The following ACO2 variants were observed in gnomAD, a reference collection of about 807,000 sequenced individuals.
ACO2 encodes aconitate hydratase, mitochondrial.
A neutral mutation model predicts 84.5 loss-of-function variants in ACO2; 31 were observed. The ratio of observed to expected loss-of-function variants is 0.37; its 90% CI spans 0.28 to 0.50. The LOEUF (loss-of-function observed/expected upper bound fraction) is 0.50, where lower values mean the gene tolerates loss of function less well. Ranked by LOEUF, ACO2 falls within the 20% of genes least tolerant of loss-of-function variation. The probability of loss-of-function intolerance (pLI) is 0.97; values close to 1 mark genes in which losing one functional copy is unlikely to be tolerated. For synonymous variants in ACO2, 414 were observed against 412.7 expected (o/e 1.00, Z -0.04); for missense variants, 685 against 1,029.3 (o/e 0.67, Z 4.58).
intron 6 of ACO2, among the ~76,000 whole-genome samples, chr22:41,516,339 C>T (rs1005556346): frequency 2.6e-5 from 4 of 152,232 alleles, no homozygotes; most frequent in Non-Finnish European, 5.9e-5. Flanking sequence ...CGCTGAAGTT[C>T]GAGCCTCACT....
intron 1 of ACO2, among the ~76,000 whole-genome samples, chr22:41,471,580 G>A (rs949117293): frequency 2.0e-5 from 3 of 152,144 alleles, no homozygotes; most frequent in Non-Finnish European, 2.9e-5. Context: ...CCCTGTTCTC[G>A]TGGAGCTTCC....
chr22:41,527,796 A>C (rs945176259), intron 16 of ACO2, 105 bp from the exon 17 acceptor site: 2 of 1,557,766 alleles, frequency 1.3e-6, no homozygotes, highest in Non-Finnish European at 1.7e-6. Flanking sequence ...GCATTGTCCC[A>C]GGCAGCAGGA....
At chr22:41,472,392 G>A (rs930923438) in intron 1 of ACO2, among the ~76,000 whole-genome samples, 27 of 151,792 alleles carry the variant, frequency 1.8e-4, no homozygotes, top group African/African-American at 6.5e-4. Context: ...TTTATCAGTA[G>A]TTGTTAGTAG....
At chr22:41,496,522 G>A (rs1601897702) in intron 1 of ACO2, among the ~76,000 whole-genome samples, 1 of 152,142 alleles carries the variant, frequency 6.6e-6, no homozygotes, top group Non-Finnish European at 1.5e-5. Context: ...AATTGTCCAG[G>A]ATCAGTAAGT....
At chr22:41,522,744 C>T in intron 9 of ACO2, 86 bp from the exon 10 acceptor site, 1 of 1,493,234 alleles carries the variant, frequency 6.7e-7, no homozygotes, top group Non-Finnish European at 9.1e-7. Context: ...ACTCTTTTGG[C>T]CAAGTCTGGA....
rs570764004 is a variant in ACO2, at chr22:41,498,822, G to A, written c.37-904G>A. Reference sequence around the variant, plus strand: ...CAAAGGGAGGGTAATGGCTGGGCACGGTGGCTCATGCCTGTAATCCCAGCA... The same window carrying A: ...CAAAGGGAGGGTAATGGCTGGGCACAGTGGCTCATGCCTGTAATCCCAGCA... On this transcript the variant is annotated intron_variant, in intron 1 of 17. Coordinates refer to ENST00000216254, the MANE Select transcript of ACO2 (RefSeq NM_001098.3). Among the ~76,000 whole-genome samples, 5 of 152,220 alleles carry A rather than the reference G, an allele frequency of 3.3e-5. No individual in the cohort carries two copies. In the East Asian group the frequency reaches 5.8e-4, roughly 18 times the overall value.
chr22:41,520,719 G>C (rs947076148), intron 9 of ACO2, among the ~76,000 whole-genome samples: 2 of 152,020 alleles, frequency 1.3e-5, no homozygotes, highest in African/African-American at 2.4e-5. Flanking sequence ...GCAGGCACCT[G>C]TAGCCCCAGC....
At chr22:41,477,925 C>A (rs1233495308) in intron 1 of ACO2, among the ~76,000 whole-genome samples, 1 of 151,336 alleles carries the variant, frequency 6.6e-6, no homozygotes, top group Non-Finnish European at 1.5e-5. Context: ...ATGAGCCGGG[C>A]ATGGTGGTGT....
At chr22:41,474,675 T>C (rs2037989801) in intron 1 of ACO2, among the ~76,000 whole-genome samples, 2 of 140,046 alleles carry the variant, frequency 1.4e-5, no homozygotes, top group African/African-American at 5.3e-5. Flanking sequence ...CTTGGCTCAC[T>C]GCAAGCTCCG....
At position 41,520,217 on chromosome 22, in the gene ACO2, C is replaced by G; in HGVS notation, c.1079C>G (p.Pro360Arg). ...CCCTTCACCCCTGACCTGGCTCACC[C>G]TGTGGCAGAAGTGGGCAAGGTGGCA... The part of the protein sequence containing the change: ...NGPFTPDLAH[P>R]VAEVGKVAEK... The change falls in exon 9 of 18, where the codon CCT becomes CGT. Residue 360 changes from proline to arginine, a missense_variant. Physicochemically the swap from Pro to Arg is moderately radical, Grantham distance 103 (BLOSUM62 -2). Coordinates refer to ENST00000216254, the MANE Select transcript of ACO2 (RefSeq NM_001098.3). 1 of 1,614,026 alleles carries G rather than the reference C, an allele frequency of 6.2e-7. No homozygotes were observed. The highest frequency in any genetic ancestry group is 8.5e-7 in the Non-Finnish European group (1 of 1,179,942).
chr22:41,487,642 A>C (rs531341179), intron 1 of ACO2, among the ~76,000 whole-genome samples: 70 of 152,202 alleles, frequency 4.6e-4, no homozygotes, highest in Admixed American at 7.9e-4. Context: ...ACAAAGAAAA[A>C]ATTCTTGGTG....
intron 1 of ACO2, among the ~76,000 whole-genome samples, chr22:41,474,396 C>A (rs1202218876): frequency 6.8e-6 from 1 of 147,916 alleles, no homozygotes; most frequent in East Asian, 2.0e-4. Flanking sequence ...TGGGTTCATG[C>A]CATTCTCCTG....
At chr22:41,486,469 A>ATTTTTT (rs1186941362) in intron 1 of ACO2, among the ~76,000 whole-genome samples, 1 of 104,488 alleles carries the variant, frequency 9.6e-6, no homozygotes, top group African/African-American at 3.7e-5. Flanking sequence ...AACTTTTTGT[A>ATTTTTT]TTTTTTTTTT....
chr22:41,498,591 G>A (rs903525788), intron 1 of ACO2, among the ~76,000 whole-genome samples: 12 of 152,094 alleles, frequency 7.9e-5, no homozygotes, highest in African/African-American at 2.7e-4. Context: ...CTGGCAAGGT[G>A]GTGCTGGTTA....
Position 41,522,902 on chromosome 22 carries a change from T to C in ACO2, c.1211T>C (p.Leu404Pro). Residue 404 changes from leucine to proline, a missense_variant, in exon 10 of 18, where the codon CTG (leucine) becomes CCG (proline). Around this residue, in one of 5 missense-constraint regions of ACO2, gnomAD observed 311 missense variants for 441.6 expected, o/e 0.70. Coordinates refer to ENST00000216254, the MANE Select transcript of ACO2 (RefSeq NM_001098.3). ...GRSAAVAKQA[L>P]AHGLKCKSQF... is the part of the protein sequence containing the mutation. ...TCAGCAGCTGTGGCCAAGCAGGCACTGGCCCATGGCCTCAAGTGCAAGTCC... is the reference window on the plus strand; with the variant it reads ...TCAGCAGCTGTGGCCAAGCAGGCACCGGCCCATGGCCTCAAGTGCAAGTCC... 1 of 1,614,222 alleles carries C rather than the reference T, an allele frequency of 6.2e-7. No homozygotes were observed. Among genetic ancestry groups the C allele is most frequent in the East Asian group, 2.2e-5 (1 of 44,894 alleles).
At chr22:41,509,744 G>A (rs73887732) in intron 3 of ACO2, among the ~76,000 whole-genome samples, 1,773 of 151,934 alleles carry the variant, frequency 0.012, 36 homozygotes, top group African/African-American at 0.041. Context: ...CCAGGAACGC[G>A]AGGGCTGTGG....
rs1416735330 is a variant in ACO2 at position 41,518,582 on chromosome 22, CAATT to C, written c.1032+13_1032+16del. On this transcript the variant is annotated intron_variant, in intron 8 of 17. Transcript: ENST00000216254. ...AATTAACCTCAGTGAGGTGAGGAGA[CAATT>C]AACTGGGTTCAAGAAGTTTCTGAGA... 2 of 1,604,588 alleles carry C rather than the reference CAATT, an allele frequency of 1.2e-6. No homozygotes were observed. Among genetic ancestry groups the C allele is most frequent in the African/African-American group, 1.3e-5 (1 of 74,682 alleles).
chr22:41,524,901 A>G lies in ACO2; in HGVS notation c.1538A>G (p.Tyr513Cys). The change falls in exon 13 of 18, where the codon TAC becomes TGC. Residue 513 changes from tyrosine (Y) to cysteine (C), a missense_variant. Tyr to Cys is a radical substitution (Grantham distance 194). Around this residue, in one of 5 missense-constraint regions of ACO2, gnomAD observed 311 missense variants for 441.6 expected, o/e 0.70. Transcript: ENST00000216254. ...GTLKFNPETD[Y>C]LTGTDGKKFR... ...CTCAAGTTCAACCCAGAGACCGACT[A>G]CCTGACGGGCACGGATGGCAAGAAG... 1 of 1,614,096 alleles carries G rather than the reference A, an allele frequency of 6.2e-7. No homozygotes were observed. The highest frequency in any genetic ancestry group is 1.1e-5 in the South Asian group (1 of 91,086).
intron 1 of ACO2, among the ~76,000 whole-genome samples, chr22:41,493,896 T>C (rs1167634940): frequency 6.6e-6 from 1 of 152,158 alleles, no homozygotes; most frequent in East Asian, 1.9e-4. Context: ...TCCTCTCTAC[T>C]AAAAGTACAA....
Sources: gnomAD v4.1 joint callset for allele counts (sites outside exome capture counted in the v4.1 genomes callset) on GRCh38, gnomAD v4.1.1 for gene constraint, gnomAD v4.1.1 regional missense constraint, MANE v1.5 for transcripts, NCBI Gene and HGNC (gene_info 2026-07-23, HGNC 2026-07-21) for gene names.